The following ZNF207 variants were observed in gnomAD, a reference collection of about 807,000 sequenced individuals.
ZNF207 encodes BUB3-interacting and GLEBS motif-containing protein ZNF207.
ZNF207 carries 24 observed loss-of-function variants against 60.2 expected under a neutral mutation model. That is an observed-to-expected ratio of 0.40 (90% CI 0.29 to 0.56). The LOEUF (loss-of-function observed/expected upper bound fraction) is 0.56, where lower values mean the gene tolerates loss of function less well. Ranked by LOEUF, ZNF207 falls within the 20% of genes least tolerant of loss-of-function variation. The probability of loss-of-function intolerance (pLI) is 0.49; values close to 1 mark genes in which losing one functional copy is unlikely to be tolerated. For synonymous variants in ZNF207, 236 were observed against 194.7 expected (o/e 1.21, Z -1.77); for missense variants, 452 against 636.6 (o/e 0.71, Z 3.12).
At chr17:32,362,779 G>T in intron 6 of ZNF207, 135 bp from the exon 7 acceptor site, 1 of 610,212 alleles carries the variant, frequency 1.6e-6, no homozygotes, top group Non-Finnish European at 2.8e-6. Flanking sequence ...TGTTCTTTCA[G>T]CTTTGATTCA....
chr17:32,353,378 T>C (rs1904314841), intron 2 of ZNF207, among the ~76,000 whole-genome samples: 1 of 152,092 alleles, frequency 6.6e-6, no homozygotes, highest in Admixed American at 6.5e-5. Context: ...TACCAAATCA[T>C]TGGAAACTAC....
intron 9 of ZNF207, among the ~76,000 whole-genome samples, chr17:32,367,284 T>TATATATATATGA (rs1346929445): frequency 7.6e-6 from 1 of 131,068 alleles, no homozygotes; most frequent in African/African-American, 3.0e-5. Context: ...TATATATATA[T>TATATATATATGA]AAAGAATACT....
intron 11 of ZNF207, 58 bp from the exon 12 acceptor site, chr17:32,369,541 C>T (rs564859593): frequency 6.3e-7 from 1 of 1,586,920 alleles, no homozygotes; most frequent in Non-Finnish European, 8.6e-7. Flanking sequence ...ATACGTTGCA[C>T]TTAAAAGTAC....
Position 32,350,204 on chromosome 17 carries a change from G to T in ZNF207, c.-82G>T. On this transcript the variant is annotated 5_prime_UTR_variant, in exon 1 of 12. Transcript: ENST00000394670. Reference sequence around the variant, plus strand: ...CCTGTGGGACGTGGTGGTAGCCGTTGGGTTGGGAAAGTGAGGGATTTTTGG... The same window carrying T: ...CCTGTGGGACGTGGTGGTAGCCGTTTGGTTGGGAAAGTGAGGGATTTTTGG... 1 of 1,593,206 alleles carries T rather than the reference G, an allele frequency of 6.3e-7. No homozygotes were observed. The highest frequency in any genetic ancestry group is 8.6e-7 in the Non-Finnish European group (1 of 1,161,566).
At position 32,378,206 on chromosome 17, in the gene ZNF207, A is replaced by G. The variant is rs920810199; in HGVS notation, c.*8447A>G. The stretch of plus-strand genomic sequence containing the variant: ...TCCTTTGTTATCTCCTTGTGGTTCA[A>G]CCTAAGTAGATACATTGTACATAAA... On this transcript the variant is annotated 3_prime_UTR_variant, in exon 12 of 12. Transcript: ENST00000394670. 4 of 152,064 alleles carry G rather than the reference A, an allele frequency of 2.6e-5. No individual in the cohort carries two copies. The highest frequency in any genetic ancestry group is 9.7e-5 in the African/African-American group (4 of 41,422). 9.4% of individuals were successfully genotyped at this position (152,064 alleles called of 1,614,324 possible).
intron 7 of ZNF207, among the ~76,000 whole-genome samples, chr17:32,363,335 A>G (rs1220599071): frequency 6.6e-6 from 1 of 151,804 alleles, no homozygotes; most frequent in Non-Finnish European, 1.5e-5. Context: ...TGATCCACCC[A>G]CCTTGGCCTC....
intron 9 of ZNF207, among the ~76,000 whole-genome samples, chr17:32,367,252 TA>T: frequency 1.1e-5 from 1 of 90,004 alleles, no homozygotes; most frequent in Non-Finnish European, 2.2e-5. Context: ...TATATATATA[TA>T]TATATATATA....
chr17:32,361,283 G>A (rs1904867686), intron 5 of ZNF207, 185 bp from the exon 6 acceptor site: 1 of 577,756 alleles, frequency 1.7e-6, no homozygotes, highest in South Asian at 2.6e-5. Context: ...TTGTAGTTGT[G>A]ACAAGAAGCA....
At chr17:32,360,273 C>T (rs1054816160) in intron 3 of ZNF207, among the ~76,000 whole-genome samples, 13 of 150,378 alleles carry the variant, frequency 8.6e-5, no homozygotes, top group African/African-American at 3.2e-4. Context: ...TCGCTTCAGC[C>T]CAGGAGTTTG....
Position 32,367,715 on chromosome 17 carries a change from T to C in ZNF207, c.922-57T>C, listed in dbSNP as rs181521328. The C allele has an allele frequency of 2.9e-5, 47 of 1,598,180 alleles. 1 individual carries two copies. In the East Asian group the frequency reaches 5.1e-4, roughly 17 times the overall value. On this transcript the variant is annotated intron_variant, in intron 9 of 11. Transcript: ENST00000394670. ...TGCCTTGTTTTAAGTTAAACTGTTGTAGATATAGTTAATTTAAGGTTTTGA... is the reference window on the plus strand; with the variant it reads ...TGCCTTGTTTTAAGTTAAACTGTTGCAGATATAGTTAATTTAAGGTTTTGA...
rs959932561 is a variant in ZNF207 at position 32,358,762 on chromosome 17, C to G, written c.307+121C>G. Reference sequence around the variant, plus strand: ...ACAGTGGTGTGATCTGGGCTCTCTGCATCTTCTGCCTCCGGGGTTTAAGTG... The same window carrying G: ...ACAGTGGTGTGATCTGGGCTCTCTGGATCTTCTGCCTCCGGGGTTTAAGTG... On this transcript the variant is annotated intron_variant, in intron 3 of 11. Coordinates refer to ENST00000394670, the MANE Select transcript of ZNF207 (RefSeq NM_001098507.2). The G allele has an allele frequency of 3.3e-5, 23 of 705,214 alleles. No homozygotes were observed. In the African/African-American group the frequency reaches 3.9e-4, roughly 12 times the overall value. The allele number at this position is 705,214 out of a possible 1,614,324, so 43.7% of individuals were successfully genotyped here.
At chr17:32,351,181 G>A (rs1567810040) in intron 1 of ZNF207, 1 of 163,526 alleles carries the variant, frequency 6.1e-6, no homozygotes. Flanking sequence ...TGAGTAGTGA[G>A]GTAAGAATTC....
At position 32,366,713 on chromosome 17, in the gene ZNF207, AGTCT is replaced by A. The variant is rs1360292338; in HGVS notation, c.883_886del (p.Ser295HisfsTer28). On this transcript the variant is annotated frameshift_variant, in exon 9 of 12. Transcript: ENST00000394670. LOFTEE classifies it high-confidence loss of function. ...AAGTACAGCTTCATCCAATTCAGAA[AGTCT>A]GTCTGCATCTTCTAAAGCTCTGTTT... The A allele has an allele frequency of 6.2e-7, 1 of 1,611,824 alleles. No individual in the cohort carries two copies. The highest frequency in any genetic ancestry group is 8.5e-7 in the Non-Finnish European group (1 of 1,179,318).
chr17:32,352,498 T>A (rs9894877), intron 2 of ZNF207, among the ~76,000 whole-genome samples: 97,038 of 152,112 alleles, frequency 0.64, 32,605 homozygotes, highest in African/African-American at 0.81. Context: ...TCGAAATCAC[T>A]AAATATTTCC....
At chr17:32,368,179 T>C in intron 10 of ZNF207, 165 bp downstream of exon 10, 1 of 986,916 alleles carries the variant, frequency 1.0e-6, no homozygotes. Context: ...ATAAAATACT[T>C]AAAGTGGACA....
intron 6 of ZNF207, among the ~76,000 whole-genome samples, chr17:32,362,395 C>G (rs145687385): frequency 2.0e-5 from 3 of 152,332 alleles, no homozygotes; most frequent in Admixed American, 2.0e-4. Flanking sequence ...CTCCTGAGTT[C>G]AAGCAGTCCT....
chr17:32,364,361 CTTT>C (rs397858000), intron 7 of ZNF207, among the ~76,000 whole-genome samples: 4 of 137,376 alleles, frequency 2.9e-5, no homozygotes, highest in Non-Finnish European at 1.5e-5. Flanking sequence ...GTTTTTTTTT[CTTT>C]TTTTTTTTTT....
rs1025938281 is a variant in ZNF207 at position 32,369,868 on chromosome 17, A to AT, written c.*111dup. On this transcript the variant is annotated 3_prime_UTR_variant, in exon 12 of 12. Transcript: ENST00000394670. ...AGGCTTCATTGTGACTTTAACAAACATTATCTTCCCACATACCAGGAACTA... is the reference window on the plus strand; with the variant it reads ...AGGCTTCATTGTGACTTTAACAAACATTTATCTTCCCACATACCAGGAACTA... 1 of 1,174,434 alleles carries AT rather than the reference A, an allele frequency of 8.5e-7. No individual in the cohort carries two copies. The allele number at this position is 1,174,434 out of a possible 1,614,324, so 72.8% of individuals were successfully genotyped here.
rs1905279842 is a variant in ZNF207, at chr17:32,367,974, C to G, written c.1124C>G (p.Ala375Gly). ...SKPATLTTTSATSKLIHPDED... is the reference protein window; with the variant it reads ...SKPATLTTTSGTSKLIHPDED... ...CCTGCTACACTTACAACAACTAGTG[C>G]AACCAGTAAGTTGATCCATCCAGAT... is the stretch of plus-strand genomic sequence containing the variant. Residue 375 changes from alanine to glycine, a missense_variant, in exon 10 of 12, where the codon GCA becomes GGA. Coordinates refer to ENST00000394670, the MANE Select transcript of ZNF207 (RefSeq NM_001098507.2). The G allele has an allele frequency of 6.2e-7, 1 of 1,614,202 alleles. No individual in the cohort carries two copies. Among genetic ancestry groups the G allele is most frequent in the Non-Finnish European group, 8.5e-7 (1 of 1,180,036 alleles).
Sources: gnomAD v4.1 joint callset for allele counts (sites outside exome capture counted in the v4.1 genomes callset) on GRCh38, gnomAD v4.1.1 for gene constraint, MANE v1.5 for transcripts, NCBI Gene and HGNC (gene_info 2026-07-23, HGNC 2026-07-21) for gene names.